Variants in MMS22L observed in about 807,000 individuals in gnomAD.
MMS22L encodes protein MMS22-like.
Under a neutral mutation model 159.1 loss-of-function variants are expected in MMS22L, and 74 were observed. The observed-to-expected ratio is 0.47, with a 90% CI of 0.39 to 0.56. The LOEUF is 0.56. MMS22L is among the 20% of genes least tolerant of loss of function. The probability of loss-of-function intolerance (pLI) is 0.00; values close to 1 mark genes in which losing one functional copy is unlikely to be tolerated. For synonymous variants in MMS22L, 517 were observed against 506.9 expected, an observed-to-expected ratio of 1.02 and a Z score of -0.27; for missense variants, 1,351 against 1,422.1, an observed-to-expected ratio of 0.95 and a Z score of 0.80.
chr6:97,213,980 T>C (rs1430407791), intron 14 of MMS22L, among the ~76,000 whole-genome samples: 2 of 152,214 alleles, frequency 1.3e-5, no homozygotes, highest in Admixed American at 6.5e-5. Context: ...GTCTAAGGTT[T>C]TTCAACTAGT....
At chr6:97,277,869 C>T (rs974009915) in intron 4 of MMS22L, among the ~76,000 whole-genome samples, 15 of 152,160 alleles carry the variant, frequency 9.9e-5, no homozygotes, top group African/African-American at 3.1e-4. Flanking sequence ...TAATAAACCT[C>T]TGTTTGACCA....
In MMS22L at chr6:97,205,714, C is replaced by T. The variant is rs112532878; in HGVS notation, c.2040-19024G>A. 7.4e-3 allele frequency among the ~76,000 whole-genome samples: 1,127 copies of T among 152,260 alleles called. 16 individuals carry two copies. The highest frequency in any genetic ancestry group is 0.025 in the African/African-American group (1,037 of 41,536). On this transcript the variant is annotated intron_variant, in intron 14 of 24. Transcript: ENST00000683635. ...AACAGTTTTAAGAATGCCTGTGACACGTCAATGCAGACAGCATGCAAAAAT... is the reference window on the plus strand; with the variant it reads ...AACAGTTTTAAGAATGCCTGTGACATGTCAATGCAGACAGCATGCAAAAAT...
At position 97,143,386 on chromosome 6, in the gene MMS22L, G is replaced by C. The variant is rs998386272; in HGVS notation, c.*3420C>G. The C allele has an allele frequency of 3.3e-5, 5 of 152,154 alleles. No homozygotes were observed. Among genetic ancestry groups the C allele is most frequent in the Non-Finnish European group, 5.9e-5 (4 of 68,044 alleles). The allele number at this position is 152,154 out of a possible 1,614,324, so 9.4% of individuals were successfully genotyped here. A position where few individuals can be genotyped will look rare whatever the true frequency, so the allele number is the denominator to read the frequency against. ...GGAAAGAGATAAGCTTGAAGATAAA[G>C]GTACAGTCAGATAGGTGGCAGAAAG... On this transcript the variant is annotated 3_prime_UTR_variant, in exon 25 of 25. Coordinates refer to ENST00000683635, the MANE Select transcript of MMS22L (RefSeq NM_001350599.2).
chr6:97,257,296 T>A (rs1000453967), intron 9 of MMS22L, among the ~76,000 whole-genome samples: 15 of 152,242 alleles, frequency 9.9e-5, no homozygotes, highest in African/African-American at 2.9e-4. Flanking sequence ...TAGCCTACTA[T>A]ACCATTATGC....
At chr6:97,176,731 T>C (rs551873253) in intron 18 of MMS22L, among the ~76,000 whole-genome samples, 1 of 152,300 alleles carries the variant, frequency 6.6e-6, no homozygotes, top group Admixed American at 6.5e-5. Flanking sequence ...CACAATTCCT[T>C]GCTGAAAGAA....
At chr6:97,232,978 A>G (rs1285057652) in intron 12 of MMS22L, among the ~76,000 whole-genome samples, 1 of 151,586 alleles carries the variant, frequency 6.6e-6, no homozygotes, top group African/African-American at 2.4e-5. Context: ...TATTGTTCCT[A>G]TTTCAGTTCT....
At chr6:97,147,966 G>A (rs1800991342) in intron 24 of MMS22L, among the ~76,000 whole-genome samples, 1 of 152,160 alleles carries the variant, frequency 6.6e-6, no homozygotes, top group African/African-American at 2.4e-5. Context: ...ATATTCATTA[G>A]AGTGTGTATT....
chr6:97,239,684 CAGG>C (rs1168713315), intron 11 of MMS22L, among the ~76,000 whole-genome samples: 2 of 152,150 alleles, frequency 1.3e-5, no homozygotes, highest in Non-Finnish European at 2.9e-5. Context: ...GAAGCTGAGG[CAGG>C]AGGATTCCTT....
chr6:97,193,589 T>C (rs187740764), intron 14 of MMS22L, among the ~76,000 whole-genome samples: 121 of 152,326 alleles, frequency 7.9e-4, no homozygotes, highest in African/African-American at 2.7e-3. Flanking sequence ...TAGTTCCCAA[T>C]GTTGACTACC....
chr6:97,158,550 G>A (rs1222895854), intron 22 of MMS22L, among the ~76,000 whole-genome samples: 2 of 152,052 alleles, frequency 1.3e-5, no homozygotes, highest in African/African-American at 4.8e-5. Context: ...CTTTACTTCT[G>A]GCTTCATTTT....
At chr6:97,152,811 T>C (rs1272320115) in intron 22 of MMS22L, among the ~76,000 whole-genome samples, 1 of 149,776 alleles carries the variant, frequency 6.7e-6, no homozygotes, top group South Asian at 2.1e-4. Context: ...TGAACTACCT[T>C]TTTTTTTTTA....
intron 14 of MMS22L, among the ~76,000 whole-genome samples, chr6:97,217,769 A>C (rs2127967568): frequency 6.6e-6 from 1 of 152,286 alleles, no homozygotes; most frequent in East Asian, 1.9e-4. Flanking sequence ...TTTCTCACAG[A>C]TGGACCCTGC....
At chr6:97,263,217 G>A (rs62413944) in intron 9 of MMS22L, 118 bp downstream of exon 9, 1 of 639,404 alleles carries the variant, frequency 1.6e-6, no homozygotes, top group Non-Finnish European at 2.7e-6. Context: ...TGCTCTATTG[G>A]TGGTTATTAT....
intron 14 of MMS22L, among the ~76,000 whole-genome samples, chr6:97,196,409 G>A (rs1199353452): frequency 1.3e-5 from 2 of 152,092 alleles, no homozygotes; most frequent in Admixed American, 1.3e-4. Flanking sequence ...CAAACAGTGT[G>A]GTATTACTAG....
chr6:97,205,605 C>T (rs1461439244), intron 14 of MMS22L, among the ~76,000 whole-genome samples: 1 of 152,152 alleles, frequency 6.6e-6, no homozygotes, highest in African/African-American at 2.4e-5. Context: ...TAACATTTAA[C>T]CCAACACTAC....
intron 11 of MMS22L, among the ~76,000 whole-genome samples, chr6:97,243,785 G>C (rs998055108): frequency 6.6e-6 from 1 of 152,106 alleles, no homozygotes; most frequent in African/African-American, 2.4e-5. Flanking sequence ...TTGATGTGGT[G>C]TTCTCCCCCT....
chr6:97,154,230 C>A (rs1325934288), intron 22 of MMS22L, among the ~76,000 whole-genome samples: 1 of 152,036 alleles, frequency 6.6e-6, no homozygotes, highest in African/African-American at 2.4e-5. Flanking sequence ...ATGTTGAACA[C>A]CTTTTCTGGT....
chr6:97,243,883 T>G (rs555739414), intron 11 of MMS22L, among the ~76,000 whole-genome samples: 3,541 of 151,672 alleles, frequency 0.023, 58 homozygotes, highest in Non-Finnish European at 0.037. Flanking sequence ...GGTACTGGGG[T>G]GGGGGGTGTC....
chr6:97,165,045 A>G (rs756047035), intron 21 of MMS22L, among the ~76,000 whole-genome samples: 5 of 152,186 alleles, frequency 3.3e-5, no homozygotes, highest in Non-Finnish European at 7.4e-5. Flanking sequence ...AGAAAAGAGA[A>G]GGAATTTAAA....
Sources: allele counts gnomAD v4.1 joint callset (sites outside exome capture counted in the v4.1 genomes callset), GRCh38; gene constraint gnomAD v4.1.1; transcripts MANE v1.5; gene names NCBI Gene and HGNC (gene_info 2026-07-23, HGNC 2026-07-21).